The following FSTL5 variants were observed in gnomAD, a reference collection of about 807,000 sequenced individuals.
FSTL5 encodes the protein follistatin-related protein 5.
FSTL5 carries 62 observed loss-of-function variants against 89.1 expected under a neutral mutation model. That is an observed-to-expected ratio of 0.70 (90% CI 0.57 to 0.86). The LOEUF (loss-of-function observed/expected upper bound fraction) is 0.86. Ranked by LOEUF, FSTL5 falls within the 40% of genes least tolerant of loss-of-function variation. FSTL5 has a pLI of 0.00. For synonymous variants in FSTL5, 383 were observed against 346.2 expected (o/e 1.11, Z -1.18); for missense variants, 1,057 against 1,001.6 (o/e 1.06, Z -0.75).
chr4:161,429,043 A>T (rs759405520), intron 15 of FSTL5, among the ~76,000 whole-genome samples: 1 of 152,046 alleles, frequency 6.6e-6, no homozygotes, highest in African/African-American at 2.4e-5. Flanking sequence ...CCACAAGCTT[A>T]CTGAAGCCCT....
At chr4:161,840,163 G>A (rs999410356) in intron 4 of FSTL5, among the ~76,000 whole-genome samples, 6 of 151,944 alleles carry the variant, frequency 3.9e-5, no homozygotes, top group African/African-American at 1.5e-4. Context: ...ACCGTGTTTG[G>A]CAGATATGGC....
intron 7 of FSTL5, among the ~76,000 whole-genome samples, chr4:161,626,991 G>A (rs114524188): frequency 0.021 from 3,140 of 152,250 alleles, 89 homozygotes; most frequent in South Asian, 0.14. Flanking sequence ...GAGGTTTCCT[G>A]AGATGCAACC....
intron 4 of FSTL5, among the ~76,000 whole-genome samples, chr4:161,901,286 A>G (rs1026537829): frequency 6.6e-6 from 1 of 152,186 alleles, no homozygotes; most frequent in African/African-American, 2.4e-5. Context: ...TAGCCTGTGA[A>G]GAGGAGACAT....
chr4:161,587,491 C>T lies in FSTL5; in HGVS notation c.979G>A (p.Glu327Lys). 3 of 1,613,296 alleles carry T rather than the reference C, an allele frequency of 1.9e-6. No homozygotes were observed. The highest frequency in any genetic ancestry group is 2.5e-6 in the Non-Finnish European group (3 of 1,179,488). Residue 327 changes from glutamate (E) to lysine (K), a missense_variant, in exon 8 of 16, where the codon GAA becomes AAA. Around this residue, in one of 3 missense-constraint regions of FSTL5, gnomAD observed 980 missense variants for 903.2 expected, o/e 1.08. Coordinates refer to ENST00000306100, the MANE Select transcript of FSTL5 (RefSeq NM_020116.5). ...AAGATGTGAGTCTGATAGACTTGTT[C>T]ATAGCCATCTGCATAGCAGGTGTAA... is the stretch of plus-strand genomic sequence containing the variant. ...GNYTCYADGY[E>K]QVYQTHIFQV...
chr4:162,090,638 G>A (rs772553934), intron 2 of FSTL5, among the ~76,000 whole-genome samples: 13 of 151,934 alleles, frequency 8.6e-5, no homozygotes, highest in African/African-American at 1.7e-4. Context: ...CTGGCCAACA[G>A]CGTGAAATCC....
chr4:161,691,754 C>T (rs1447446366), intron 6 of FSTL5, among the ~76,000 whole-genome samples: 1 of 151,908 alleles, frequency 6.6e-6, no homozygotes, highest in Non-Finnish European at 1.5e-5. Context: ...AAATTATTTC[C>T]TAGATATTTT....
intron 15 of FSTL5, among the ~76,000 whole-genome samples, chr4:161,396,047 T>C (rs981015972): frequency 2.6e-5 from 4 of 152,058 alleles, no homozygotes; most frequent in African/African-American, 9.7e-5. Flanking sequence ...AAGCAGAGAC[T>C]TGACCAGTTA....
chr4:161,588,992 C>G (rs868179374), intron 7 of FSTL5, among the ~76,000 whole-genome samples: 61 of 146,214 alleles, frequency 4.2e-4, no homozygotes, highest in African/African-American at 1.5e-3. Context: ...AGCCCTATCC[C>G]TAATGTTTTT....
chr4:162,120,824 C>T (rs1267444467), intron 1 of FSTL5, among the ~76,000 whole-genome samples: 1 of 151,874 alleles, frequency 6.6e-6, no homozygotes, highest in Non-Finnish European at 1.5e-5. Flanking sequence ...TGCTTAGTGT[C>T]TAAGAAATTT....
intron 3 of FSTL5, among the ~76,000 whole-genome samples, chr4:161,959,774 T>A (rs1735121311): frequency 6.6e-6 from 1 of 152,114 alleles, no homozygotes; most frequent in Non-Finnish European, 1.5e-5. Flanking sequence ...GAATTGGACA[T>A]CTGAGAAAGC....
At chr4:161,955,101 TAA>T (rs1409756079) in intron 3 of FSTL5, among the ~76,000 whole-genome samples, 10 of 151,750 alleles carry the variant, frequency 6.6e-5, no homozygotes, top group African/African-American at 1.7e-4. Context: ...AAAAATGACT[TAA>T]GTTATATAAT....
At chr4:161,480,310 C>T (rs1729454040) in intron 13 of FSTL5, among the ~76,000 whole-genome samples, 1 of 152,142 alleles carries the variant, frequency 6.6e-6, no homozygotes, top group African/African-American at 2.4e-5. Context: ...AGCTAGTTAA[C>T]TTAATTTCCT....
chr4:162,121,412 C>T (rs1487631831), intron 1 of FSTL5, among the ~76,000 whole-genome samples: 1 of 151,958 alleles, frequency 6.6e-6, no homozygotes, highest in African/African-American at 2.4e-5. Flanking sequence ...GTAATATATT[C>T]ATGATTCAAT....
Position 161,600,072 on chromosome 4 carries a change from C to G in FSTL5, c.895-12497G>C, listed in dbSNP as rs557276551. On this transcript the variant is annotated intron_variant, in intron 7 of 15. Transcript: ENST00000306100. The stretch of plus-strand genomic sequence containing the variant: ...AGTACAAAATTCAAAACTAGGTCAT[C>G]TAGCTCTACATTTCATGCTCTGAAA... 6.0e-4 allele frequency among the ~76,000 whole-genome samples: 91 copies of G among 151,440 alleles called. 4 individuals carry two copies. In the South Asian group the frequency reaches 0.019, roughly 31 times the overall value.
chr4:162,132,394 C>T (rs1732337616), intron 1 of FSTL5, among the ~76,000 whole-genome samples: 1 of 152,058 alleles, frequency 6.6e-6, no homozygotes. Flanking sequence ...ACACTCACCG[C>T]GAAGGTCTGC....
At chr4:161,565,700 C>T (rs1031692727) in intron 8 of FSTL5, among the ~76,000 whole-genome samples, 1 of 146,424 alleles carries the variant, frequency 6.8e-6, no homozygotes. Context: ...ATAAGATTAG[C>T]CTGAGTGCTG....
At chr4:162,126,839 T>C (rs770093995) in intron 1 of FSTL5, among the ~76,000 whole-genome samples, 6 of 152,174 alleles carry the variant, frequency 3.9e-5, no homozygotes, top group African/African-American at 1.4e-4. Flanking sequence ...TGGGTGTGCA[T>C]GTGTGCATGT....
chr4:161,682,521 A>G (rs1247126730), intron 6 of FSTL5, among the ~76,000 whole-genome samples: 1 of 152,064 alleles, frequency 6.6e-6, no homozygotes, highest in Non-Finnish European at 1.5e-5. Flanking sequence ...ATCATTTTTA[A>G]AATTCGGAAA....
chr4:161,907,182 T>C (rs1043038765), intron 4 of FSTL5, among the ~76,000 whole-genome samples: 4 of 152,122 alleles, frequency 2.6e-5, no homozygotes, highest in Non-Finnish European at 4.4e-5. Flanking sequence ...TTACAGACTG[T>C]CATCACAGCT....
Sources: allele counts gnomAD v4.1 joint callset (sites outside exome capture counted in the v4.1 genomes callset), GRCh38; gene constraint gnomAD v4.1.1; regional missense constraint gnomAD v4.1.1; transcripts MANE v1.5; gene names NCBI Gene and HGNC (gene_info 2026-07-23, HGNC 2026-07-21).